The following CSDE1 variants were observed in gnomAD, a reference collection of about 807,000 sequenced individuals.
CSDE1 encodes the protein cold shock domain containing E1, also known as cold shock domain-containing protein E1.
Under a neutral mutation model 89.3 loss-of-function variants are expected in CSDE1, and 17 were observed. That is an observed-to-expected ratio of 0.19 (90% CI 0.13 to 0.29). CSDE1 has a LOEUF of 0.29. CSDE1 is among the 10% of genes least tolerant of loss of function. CSDE1 has a pLI of 1.00. For synonymous variants in CSDE1, 322 were observed against 332.8 expected (o/e 0.97, Z 0.35); for missense variants, 672 against 984.2 (o/e 0.68, Z 4.24).
chr1:114,719,036 A>G (rs1659360912), intron 18 of CSDE1: 2 of 333,410 alleles, frequency 6.0e-6, no homozygotes, highest in Non-Finnish European at 1.1e-5. Context: ...AAGGTAGCAG[A>G]TGTGGTAGCT....
chr1:114,755,883 T>C (rs1661570032), intron 1 of CSDE1, among the ~76,000 whole-genome samples: 1 of 152,250 alleles, frequency 6.6e-6, no homozygotes, highest in Non-Finnish European at 1.5e-5. Context: ...GTCGAAAGTA[T>C]GGCTCTCACA....
At chr1:114,728,655 C>A (rs560083244) in intron 12 of CSDE1, among the ~76,000 whole-genome samples, 3 of 152,268 alleles carry the variant, frequency 2.0e-5, no homozygotes, top group Admixed American at 2.0e-4. Flanking sequence ...AAAATAAGCC[C>A]AACTGAAGTG....
At chr1:114,733,885 G>C in intron 8 of CSDE1, 28 bp from the exon 9 acceptor site, 1 of 1,611,412 alleles carries the variant, frequency 6.2e-7, no homozygotes, top group Non-Finnish European at 8.5e-7. Context: ...GGAGGTGGTG[G>C]GGGGACAGAG....
chr1:114,740,428 T>C (rs1200963380), intron 2 of CSDE1, among the ~76,000 whole-genome samples: 1 of 152,116 alleles, frequency 6.6e-6, no homozygotes, highest in Non-Finnish European at 1.5e-5. Flanking sequence ...AATTTCAGAG[T>C]AATTCATGCT....
chr1:114,720,604 C>T lies in CSDE1; in HGVS notation c.1987G>A (p.Ala663Thr). ...KFQLCVLGQN[A>T]QTMAYNITPL... is the part of the protein sequence containing the mutation. ...GTGATGTTGTAAGCCATAGTTTGTGCATTTTGGCCCAGGACACACAATTGG... is the reference window on the plus strand; with the variant it reads ...GTGATGTTGTAAGCCATAGTTTGTGTATTTTGGCCCAGGACACACAATTGG... The change falls in exon 17 of 20, where the codon GCA (alanine) becomes ACA (threonine). Residue 663 changes from alanine (A) to threonine (T), a missense_variant. Physicochemically the swap from Ala to Thr is moderately conservative, Grantham distance 58 (BLOSUM62 0). Coordinates refer to ENST00000358528, the MANE Select transcript of CSDE1 (RefSeq NM_001007553.3). 1 of 1,614,156 alleles carries T rather than the reference C, an allele frequency of 6.2e-7. No homozygotes were observed. The highest frequency in any genetic ancestry group is 8.5e-7 in the Non-Finnish European group (1 of 1,180,040).
chr1:114,740,998 C>G (rs1463382218), intron 2 of CSDE1, among the ~76,000 whole-genome samples: 1 of 152,170 alleles, frequency 6.6e-6, no homozygotes, highest in Non-Finnish European at 1.5e-5. Flanking sequence ...GTGTGATGGT[C>G]AAATCACGTA....
In CSDE1 at chr1:114,717,909, A is replaced by C. The variant is rs1456724783; in HGVS notation, c.*260T>G. On this transcript the variant is annotated 3_prime_UTR_variant, in exon 20 of 20. Transcript: ENST00000358528. Reference sequence around the variant, plus strand: ...ATTACCAGTTGCGTTAAATGCACCAAATAAAGCTCCTAAAATTGATACTAT... The same window carrying C: ...ATTACCAGTTGCGTTAAATGCACCACATAAAGCTCCTAAAATTGATACTAT... The C allele has an allele frequency of 2.7e-5, 12 of 450,998 alleles. No homozygotes were observed. Among genetic ancestry groups the C allele is most frequent in the African/African-American group, 4.0e-5 (2 of 49,882 alleles). 27.9% of individuals were successfully genotyped at this position (450,998 alleles called of 1,614,324 possible).
Position 114,739,827 on chromosome 1 carries a change from C to T in CSDE1, c.64G>A (p.Ala22Thr). 3 of 1,614,064 alleles carry T rather than the reference C, an allele frequency of 1.9e-6. No homozygotes were observed. In the South Asian group the frequency reaches 3.3e-5, roughly 18 times the overall value. ...GHNGYPNGTS[A>T]ALRETGVIEK... Reference sequence around the variant, plus strand: ...ATAACCCCAGTTTCACGCAGTGCTGCTGAAGTACCATTAGGGTACCCATTA... The same window carrying T: ...ATAACCCCAGTTTCACGCAGTGCTGTTGAAGTACCATTAGGGTACCCATTA... Residue 22 changes from alanine to threonine, a missense_variant, in exon 3 of 20, where the codon GCA (alanine) becomes ACA (threonine). This residue lies in a region of CSDE1 where 26 missense variants were observed against 24.3 expected (regional missense o/e 1.07). Coordinates refer to ENST00000358528, the MANE Select transcript of CSDE1 (RefSeq NM_001007553.3).
In CSDE1 at chr1:114,717,191, C is replaced by A. The variant is rs1315031226; in HGVS notation, c.*978G>T. 6.6e-6 allele frequency: 1 copy of A among 152,474 alleles called. No individual in the cohort carries two copies. Among genetic ancestry groups the A allele is most frequent in the African/African-American group, 2.4e-5 (1 of 41,384 alleles). The allele number at this position is 152,474 out of a possible 1,614,324, so 9.4% of individuals were successfully genotyped here. A position where few individuals can be genotyped will look rare whatever the true frequency, so the allele number is the denominator to read the frequency against. The stretch of plus-strand genomic sequence containing the variant: ...GCCAAGAAATCAGACCCATCCATTC[C>A]CGTGATATAAAGTTGAACAGAAGCT... On this transcript the variant is annotated 3_prime_UTR_variant, in exon 20 of 20. Coordinates refer to ENST00000358528, the MANE Select transcript of CSDE1 (RefSeq NM_001007553.3).
At chr1:114,736,476 C>T (rs1660407539) in intron 6 of CSDE1, among the ~76,000 whole-genome samples, 1 of 152,178 alleles carries the variant, frequency 6.6e-6, no homozygotes, top group South Asian at 2.1e-4. Context: ...ATACCCCTCC[C>T]TCAAAACTTA....
rs1801909 is a variant in CSDE1, at chr1:114,718,141, G to A, written c.*28C>T. On this transcript the variant is annotated 3_prime_UTR_variant, in exon 20 of 20. Coordinates refer to ENST00000358528, the MANE Select transcript of CSDE1 (RefSeq NM_001007553.3). ...AGATTCCCCCCAACTTGATCATAGT[G>A]GATTAATGGTGTGCTTTGTGGATGT... 3 of 1,613,268 alleles carry A rather than the reference G, an allele frequency of 1.9e-6. No individual in the cohort carries two copies. Among genetic ancestry groups the A allele is most frequent in the East Asian group, 4.5e-5 (2 of 44,878 alleles).
chr1:114,727,051 C>T lies in CSDE1; in HGVS notation c.1396G>A (p.Val466Met). 6.2e-7 allele frequency: 1 copy of T among 1,613,720 alleles called. No individual in the cohort carries two copies. Among genetic ancestry groups the T allele is most frequent in the Non-Finnish European group, 8.5e-7 (1 of 1,179,742 alleles). ...GCTTGAAAAGCAATAGTCAGTTTCA[C>T]CCCACAGTCATCATAAGCAATAATG... ...DGIIAYDDCG[V>M]KLTIAFQAKD... Residue 466 changes from valine (V) to methionine (M), a missense_variant, in exon 13 of 20, where the codon GTG becomes ATG. Val to Met is a conservative substitution (Grantham distance 21, BLOSUM62 1). Around this residue, in one of 8 missense-constraint regions of CSDE1, gnomAD observed 108 missense variants for 105.0 expected, o/e 1.03. Transcript: ENST00000358528.
At chr1:114,750,430 T>A in intron 1 of CSDE1, among the ~76,000 whole-genome samples, 1 of 152,150 alleles carries the variant, frequency 6.6e-6, no homozygotes, top group East Asian at 1.9e-4. Context: ...AATTATTCCA[T>A]AGTCTTTATT....
At chr1:114,728,950 T>G (rs1450512551) in intron 12 of CSDE1, among the ~76,000 whole-genome samples, 1 of 152,200 alleles carries the variant, frequency 6.6e-6, no homozygotes, top group East Asian at 1.9e-4. Flanking sequence ...AAGGACTACC[T>G]TAACTATCCA....
rs1659457978 is a variant in CSDE1, at chr1:114,720,533, A to G, written c.2052+6T>C. 6.2e-7 allele frequency: 1 copy of G among 1,606,518 alleles called. No individual in the cohort carries two copies. The highest frequency in any genetic ancestry group is 8.5e-7 in the Non-Finnish European group (1 of 1,175,312). On this transcript the variant is annotated splice_donor_region_variant and intron_variant, in intron 17 of 19. Transcript: ENST00000358528. Reference sequence around the variant, plus strand: ...CAAATTCAGATACAGAGATGCTGGCACTTACCTGATCTTTCACACATTCCA... The same window carrying G: ...CAAATTCAGATACAGAGATGCTGGCGCTTACCTGATCTTTCACACATTCCA...
At chr1:114,720,813 G>A (rs1397232328) in intron 16 of CSDE1, 96 bp from the exon 17 acceptor site, 2 of 1,058,202 alleles carry the variant, frequency 1.9e-6, no homozygotes, top group Non-Finnish European at 2.7e-6. Flanking sequence ...AATGTGTTAT[G>A]TTACTTAAAA....
intron 9 of CSDE1, 60 bp from the exon 10 acceptor site, chr1:114,732,876 AAACAAGAAG>A (rs1660179539): frequency 1.4e-5 from 20 of 1,396,598 alleles, no homozygotes; most frequent in Non-Finnish European, 2.0e-5. Context: ...GTTCTAAGTC[AAACAAGAAG>A]AACACATAGT....
Position 114,717,231 on chromosome 1 carries a change from GTGTC to G in CSDE1, c.*934_*937del, listed in dbSNP as rs575288337. On this transcript the variant is annotated 3_prime_UTR_variant, in exon 20 of 20. Transcript: ENST00000358528. ...GAACAGAAGCTACACCAAGGGTCAA[GTGTC>G]TGTATTTTACAGGACACAGTAACCA... 1.3e-4 allele frequency: 20 copies of G among 152,564 alleles called. No homozygotes were observed. The highest frequency in any genetic ancestry group is 4.8e-4 in the African/African-American group (20 of 41,546). The allele number at this position is 152,564 out of a possible 1,614,324, so 9.5% of individuals were successfully genotyped here.
chr1:114,746,716 A>C (rs1224189748), intron 2 of CSDE1: 1 of 152,208 alleles, frequency 6.6e-6, no homozygotes, highest in Non-Finnish European at 1.5e-5. Flanking sequence ...CTTCTCTAAA[A>C]TCAGTCTCTT....
Sources: gnomAD v4.1 joint callset for allele counts (sites outside exome capture counted in the v4.1 genomes callset) on GRCh38, gnomAD v4.1.1 for gene constraint, gnomAD v4.1.1 regional missense constraint, MANE v1.5 for transcripts, NCBI Gene and HGNC (gene_info 2026-07-23, HGNC 2026-07-21) for gene names.